Variants in PKD1L3 observed in about 807,000 individuals in gnomAD.
The protein encoded by PKD1L3 is polycystin 1 like 3, transient receptor potential channel interacting, also known as polycystin-1-like protein 3.
Under a neutral mutation model 184.1 loss-of-function variants are expected in PKD1L3, and 239 were observed. That is an observed-to-expected ratio of 1.30 (90% CI 1.17 to 1.45). The LOEUF (loss-of-function observed/expected upper bound fraction) is 1.45. Among genes scored for constraint, PKD1L3 ranks in the 40% most tolerant of loss-of-function variants. The pLI is 0.00. For synonymous variants in PKD1L3, 996 were observed against 778.8 expected, an observed-to-expected ratio of 1.28 and a Z score of -4.64; for missense variants, 2,660 against 2,067.2, an observed-to-expected ratio of 1.29 and a Z score of -5.56.
intron 14 of PKD1L3, 72 bp from the exon 15 acceptor site, chr16:71,967,387 A>AT: frequency 7.2e-7 from 1 of 1,382,294 alleles, no homozygotes; most frequent in Non-Finnish European, 9.7e-7. Flanking sequence ...CCTAAGGAGA[A>AT]AGACGAAGAC....
At position 71,980,183 on chromosome 16, in the gene PKD1L3, A is replaced by C; in HGVS notation, c.1144-49T>G. On this transcript the variant is annotated intron_variant, in intron 7 of 29. Coordinates refer to ENST00000620267, the MANE Select transcript of PKD1L3 (RefSeq NM_181536.2). ...GTGACTTGTAAAACCTCAGTGTCTT[A>C]TGTTAGTAAAATAATGTTTTGGAGA... 2.6e-6 allele frequency: 4 copies of C among 1,527,624 alleles called. No homozygotes were observed. The South Asian group carries it at 3.6e-5, about 14-fold the overall frequency. 94.6% of individuals were successfully genotyped at this position (1,527,624 alleles called of 1,614,324 possible). A position where few individuals can be genotyped will look rare whatever the true frequency, so the allele number is the denominator to read the frequency against.
rs533830927 is a variant in PKD1L3 at position 71,997,443 on chromosome 16, C to T, written c.418+829G>A. Among the ~76,000 whole-genome samples, 4 of 151,278 alleles carry T rather than the reference C, an allele frequency of 2.6e-5. No homozygotes were observed. The South Asian group carries it at 6.3e-4, about 24-fold the overall frequency. Reference sequence around the variant, plus strand: ...CCCCCACAACCACTCCCCACTCCACCGTCTCCACATAAAAAAATAAATAGG... The same window carrying T: ...CCCCCACAACCACTCCCCACTCCACTGTCTCCACATAAAAAAATAAATAGG... On this transcript the variant is annotated intron_variant, in intron 2 of 29. Transcript: ENST00000620267.
At chr16:71,995,107 G>A (rs994823350) in intron 2 of PKD1L3, among the ~76,000 whole-genome samples, 4 of 152,226 alleles carry the variant, frequency 2.6e-5, no homozygotes, top group African/African-American at 7.2e-5. Flanking sequence ...AATGCTCACA[G>A]TTCTGGAGGC....
intron 21 of PKD1L3, among the ~76,000 whole-genome samples, chr16:71,948,007 C>A (rs968799080): frequency 6.6e-6 from 1 of 151,406 alleles, no homozygotes; most frequent in African/African-American, 2.4e-5. Flanking sequence ...ACCTCCGCTT[C>A]CTGGGTTCAA....
In PKD1L3 at chr16:71,973,410, G is replaced by T; in HGVS notation, c.1867C>A (p.Pro623Thr). The T allele has an allele frequency of 2.6e-6, 4 of 1,551,648 alleles. No homozygotes were observed. Among genetic ancestry groups the T allele is most frequent in the Non-Finnish European group, 3.5e-6 (4 of 1,147,016 alleles). Residue 623 changes from proline to threonine, a missense_variant, in exon 12 of 30, where the codon CCC (proline) becomes ACC (threonine). Transcript: ENST00000620267. The part of the protein sequence containing the change: ...SERQEGAQQT[P>T]SLVSVITAVT... ...GCGGTGATGACCGAGACCAAGCTGGGTGTCTGCTGAGCACCCTCCTGCCTC... is the reference window on the plus strand; with the variant it reads ...GCGGTGATGACCGAGACCAAGCTGGTTGTCTGCTGAGCACCCTCCTGCCTC...
intron 1 of PKD1L3, 54 bp downstream of exon 1, chr16:71,999,630 C>A: frequency 2.2e-6 from 3 of 1,363,770 alleles, no homozygotes; most frequent in South Asian, 1.9e-5. Flanking sequence ...TTTTCTGTCC[C>A]AGAATAAAAT....
At chr16:71,954,332 T>C in intron 16 of PKD1L3, 31 bp from the exon 17 acceptor site, 3 of 1,457,530 alleles carry the variant, frequency 2.1e-6, no homozygotes, top group Non-Finnish European at 2.8e-6. Context: ...AGGAAATACA[T>C]GAGATTTTAT....
chr16:71,932,740 CA>C (rs1331454455), intron 28 of PKD1L3, among the ~76,000 whole-genome samples: 2 of 150,038 alleles, frequency 1.3e-5, no homozygotes, highest in Admixed American at 6.7e-5. Flanking sequence ...TTCGGCTTCC[CA>C]AAGTATTAGG....
intron 11 of PKD1L3, among the ~76,000 whole-genome samples, chr16:71,974,615 C>T (rs899801417): frequency 3.9e-5 from 6 of 152,274 alleles, no homozygotes; most frequent in Admixed American, 6.5e-5. Context: ...GCCCAGGAGG[C>T]GGAGGCTACA....
At chr16:71,968,202 C>CA (rs1236213778) in intron 13 of PKD1L3, among the ~76,000 whole-genome samples, 195 bp from the exon 14 acceptor site, 3 of 152,174 alleles carry the variant, frequency 2.0e-5, no homozygotes, top group African/African-American at 4.8e-5. Context: ...CCTGAACCTC[C>CA]AGGGCCTGTG....
At chr16:71,961,629 C>CTTTT (rs2039283869) in intron 16 of PKD1L3, among the ~76,000 whole-genome samples, 1 of 152,016 alleles carries the variant, frequency 6.6e-6, no homozygotes, top group Admixed American at 6.6e-5. Flanking sequence ...CCCTGCTGAC[C>CTTTT]TTGTGAGCGA....
At chr16:71,978,474 T>TAA (rs1260150397) in intron 9 of PKD1L3, 91 bp from the exon 10 acceptor site, 11 of 348,172 alleles carry the variant, frequency 3.2e-5, no homozygotes, top group African/African-American at 5.1e-5. Flanking sequence ...CATATGTATA[T>TAA]ATGTGTGTGT....
chr16:71,961,081 A>G (rs1421005338), intron 16 of PKD1L3, among the ~76,000 whole-genome samples: 2 of 150,564 alleles, frequency 1.3e-5, no homozygotes, highest in African/African-American at 4.9e-5. Context: ...TTTTTTTCCC[A>G]CTTCTTGCTG....
rs1485619002 is a variant in PKD1L3 at position 71,949,945 on chromosome 16, C to A, written c.3456G>T (p.Trp1152Cys). The A allele has an allele frequency of 6.4e-7, 1 of 1,551,530 alleles. No individual in the cohort carries two copies. Among genetic ancestry groups the A allele is most frequent in the South Asian group, 1.2e-5 (1 of 84,064 alleles). ...KKPISNGLSK[W>C]LTSVCWLLLG... ...AGAGGAGCCAGCAGACTGAAGTCAACCATTTGGACAGGCCATTTGAGATGG... is the reference window on the plus strand; with the variant it reads ...AGAGGAGCCAGCAGACTGAAGTCAAACATTTGGACAGGCCATTTGAGATGG... The change falls in exon 21 of 30, where the codon TGG (tryptophan) becomes TGT (cysteine). Residue 1152 changes from tryptophan to cysteine, a missense_variant. Trp to Cys is a radical substitution (Grantham distance 215). Coordinates refer to ENST00000620267, the MANE Select transcript of PKD1L3 (RefSeq NM_181536.2).
At chr16:71,941,778 T>A (rs533665108) in intron 24 of PKD1L3, among the ~76,000 whole-genome samples, 1 of 151,350 alleles carries the variant, frequency 6.6e-6, no homozygotes, top group African/African-American at 2.4e-5. Context: ...AGAGACGGGG[T>A]GTCACCATAT....
Position 71,982,199 on chromosome 16 carries a change from C to G in PKD1L3, c.1003G>C (p.Glu335Gln). 6.5e-7 allele frequency: 1 copy of G among 1,549,340 alleles called. No homozygotes were observed. Among genetic ancestry groups the G allele is most frequent in the African/African-American group, 1.4e-5 (1 of 72,840 alleles). Residue 335 changes from glutamate (E) to glutamine (Q), a missense_variant, in exon 7 of 30, where the codon GAG becomes CAG. Physicochemically the swap from Glu to Gln is conservative, Grantham distance 29. Transcript: ENST00000620267. The stretch of plus-strand genomic sequence containing the variant: ...TTCTGAAATGGGATCCTGAGTAACT[C>G]CTCACTCAGGTAAATAAGGGAATTG... ...LINSLIYLSEELLRIPFQNNN... is the reference protein window; with the variant it reads ...LINSLIYLSEQLLRIPFQNNN...
rs987328607 is a variant in PKD1L3 at position 71,993,199 on chromosome 16, G to C, written c.535+17C>G. On this transcript the variant is annotated intron_variant, in intron 3 of 29. Transcript: ENST00000620267. ...ATTCCACGGATTTTTAAGGTTACTAGAGGAGTAACGCATTACCTGGGGGCA... is the reference window on the plus strand; with the variant it reads ...ATTCCACGGATTTTTAAGGTTACTACAGGAGTAACGCATTACCTGGGGGCA... 2 of 1,476,526 alleles carry C rather than the reference G, an allele frequency of 1.4e-6. No homozygotes were observed. The highest frequency in any genetic ancestry group is 1.8e-6 in the Non-Finnish European group (2 of 1,088,442). 91.5% of individuals were successfully genotyped at this position (1,476,526 alleles called of 1,614,324 possible).
intron 7 of PKD1L3, 70 bp from the exon 8 acceptor site, chr16:71,980,204 G>A (rs2040096233): frequency 6.7e-7 from 1 of 1,489,074 alleles, no homozygotes; most frequent in Admixed American, 2.1e-5. Context: ...ATAATGTTTT[G>A]GAGAAGATTG....
At chr16:71,999,624 C>A (rs779480967) in intron 1 of PKD1L3, 60 bp downstream of exon 1, 9 of 1,299,906 alleles carry the variant, frequency 6.9e-6, no homozygotes, top group Non-Finnish European at 9.0e-6. Context: ...TTTTTTTTTT[C>A]TGTCCCAGAA....
Sources: gnomAD v4.1 joint callset for allele counts (sites outside exome capture counted in the v4.1 genomes callset) on GRCh38, gnomAD v4.1.1 for gene constraint, MANE v1.5 for transcripts, NCBI Gene and HGNC (gene_info 2026-07-23, HGNC 2026-07-21) for gene names.